ARVCF: variants seen among roughly 807,000 people sequenced by gnomAD.
ARVCF encodes the protein splicing regulator ARVCF.
In ARVCF, 66 loss-of-function variants were observed where a neutral mutation model predicts 90.9. The ratio of observed to expected loss-of-function variants is 0.73; its 90% CI spans 0.60 to 0.89. ARVCF has a LOEUF of 0.89. ARVCF is among the 40% of genes least tolerant of loss of function. ARVCF has a pLI of 0.00. For synonymous variants in ARVCF, 653 were observed against 603.4 expected (o/e 1.08, Z -1.21); for missense variants, 1,469 against 1,382.3 (o/e 1.06, Z -1.00).
chr22:19,969,801 AC>A (rs1031651001), downstream of ARVCF: 293 of 978,334 alleles, frequency 3.0e-4, no homozygotes, highest in Non-Finnish European at 3.3e-4. Context: ...ACCTGGGACC[AC>A]CTCCACCCAG....
At position 19,994,183 on chromosome 22, in the gene ARVCF, T is replaced by C. The variant is rs1245514931; in HGVS notation, c.-18-3371A>G. Among the ~76,000 whole-genome samples the C allele has an allele frequency of 3.3e-5, 5 of 150,818 alleles. No homozygotes were observed. The East Asian group carries it at 7.9e-4, about 24-fold the overall frequency. ...ATGGACAGAGGGACGGACAGATTGA[T>C]GGACAGGTCGGAGGATCGTGGGAGA... On this transcript the variant is annotated intron_variant, in intron 2 of 19. Coordinates refer to ENST00000263207, the MANE Select transcript of ARVCF (RefSeq NM_001670.3).
At chr22:19,974,875 G>A (rs1266252607) in intron 11 of ARVCF, among the ~76,000 whole-genome samples, 2 of 152,182 alleles carry the variant, frequency 1.3e-5, no homozygotes, top group East Asian at 3.8e-4. Flanking sequence ...CCGTCCTGCT[G>A]CTCTGCCCAG....
chr22:19,968,907 G>C, downstream of ARVCF: 1 of 630,796 alleles, frequency 1.6e-6, no homozygotes, highest in South Asian at 1.8e-5. Flanking sequence ...ACACTGGATT[G>C]TTCTTTTTTA....
At chr22:20,005,860 G>A (rs958050386) in intron 2 of ARVCF, among the ~76,000 whole-genome samples, 1 of 151,690 alleles carries the variant, frequency 6.6e-6, no homozygotes. Context: ...CATATTCACA[G>A]CAGCATTATT....
downstream of ARVCF, chr22:19,968,523 GGTCT>G (rs1569138181): frequency 1.1e-5 from 17 of 1,612,004 alleles, no homozygotes; most frequent in Non-Finnish European, 1.3e-5. Flanking sequence ...CCCACCCCCC[GGTCT>G]GTTTGCAGGA....
At chr22:19,980,294 G>T (rs757792873) in intron 5 of ARVCF, 52 bp from the exon 6 acceptor site, 60 of 1,485,488 alleles carry the variant, frequency 4.0e-5, no homozygotes, top group Non-Finnish European at 5.3e-5. Context: ...CGCCAGCCCT[G>T]CCTCTGAGCT....
chr22:20,003,266 G>T (rs9617857), intron 2 of ARVCF, among the ~76,000 whole-genome samples: 37,213 of 152,052 alleles, frequency 0.24, 5,741 homozygotes, highest in African/African-American at 0.43. Flanking sequence ...TTTCACTGGT[G>T]TATTCTACCA....
chr22:19,975,544 G>A (rs892284584), intron 11 of ARVCF, 142 bp downstream of exon 11: 5 of 863,574 alleles, frequency 5.8e-6, no homozygotes, highest in African/African-American at 5.1e-5. Flanking sequence ...CACCCTCCAG[G>A]AAATCCTGCA....
chr22:19,979,054 C>T lies in ARVCF; in HGVS notation c.1423G>A (p.Glu475Lys), dbSNP rs774439071. 6.2e-7 allele frequency: 1 copy of T among 1,613,202 alleles called. No homozygotes were observed. The highest frequency in any genetic ancestry group is 8.5e-7 in the Non-Finnish European group (1 of 1,179,806). Residue 475 changes from glutamate (E) to lysine (K), a missense_variant, in exon 7 of 20, where the codon GAG becomes AAG. Transcript: ENST00000263207. ...TCAATGATGACCATCTTCAGGGGCT[C>T]ATAGGATGACAGGTTCCACAGGGTG... ...TGTLWNLSSYEPLKMVIIDHG... is the reference protein window; with the variant it reads ...TGTLWNLSSYKPLKMVIIDHG...
chr22:19,986,405 A>G (rs1391960013), intron 3 of ARVCF, among the ~76,000 whole-genome samples: 1 of 152,168 alleles, frequency 6.6e-6, no homozygotes, highest in African/African-American at 2.4e-5. Context: ...TGAGCAGAGG[A>G]CAAACTGCCT....
At chr22:20,000,336 G>A (rs151020032) in intron 2 of ARVCF, among the ~76,000 whole-genome samples, 27 of 152,344 alleles carry the variant, frequency 1.8e-4, no homozygotes, top group African/African-American at 6.5e-4. Context: ...TCCTCTGCTG[G>A]GAGCCAGCTC....
chr22:19,973,553 A>C, intron 13 of ARVCF, 90 bp downstream of exon 13: 1 of 1,521,612 alleles, frequency 6.6e-7, no homozygotes, highest in Non-Finnish European at 8.8e-7. Context: ...CTGGACTCCC[A>C]AACCACTCAT....
chr22:20,009,412 A>T (rs1015193727), intron 2 of ARVCF, among the ~76,000 whole-genome samples: 2 of 152,210 alleles, frequency 1.3e-5, no homozygotes, highest in Non-Finnish European at 2.9e-5. Flanking sequence ...TCACTCAGGC[A>T]TCCGGAGGCC....
At position 19,970,687 on chromosome 22, in the gene ARVCF, C is replaced by T. The variant is rs1240321050; in HGVS notation, c.*69G>A. On this transcript the variant is annotated 3_prime_UTR_variant, in exon 20 of 20. Transcript: ENST00000263207. ...TCCAAGCTCCACGGCACGATCTGCTCAGGGTGGCCCTTCTTCCACGATCCA... is the reference window on the plus strand; with the variant it reads ...TCCAAGCTCCACGGCACGATCTGCTTAGGGTGGCCCTTCTTCCACGATCCA... The T allele has an allele frequency of 7.8e-7, 1 of 1,289,178 alleles. No individual in the cohort carries two copies. The highest frequency in any genetic ancestry group is 2.3e-5 in the Admixed American group (1 of 43,518). The allele number at this position is 1,289,178 out of a possible 1,614,324, so 79.9% of individuals were successfully genotyped here. A position where few individuals can be genotyped will look rare whatever the true frequency, so the allele number is the denominator to read the frequency against.
rs150166166 is a variant in ARVCF at position 19,974,124 on chromosome 22, G to A, written c.2076C>T (p.Ala692=). The A allele has an allele frequency of 1.1e-5, 18 of 1,610,522 alleles. No homozygotes were observed. Among genetic ancestry groups the A allele is most frequent in the African/African-American group, 1.1e-4 (8 of 74,878 alleles). The change falls in exon 12 of 20, where the codon GCC becomes GCT. Residue 692 remains alanine, a synonymous_variant. Coordinates refer to ENST00000263207, the MANE Select transcript of ARVCF (RefSeq NM_001670.3). ...CCTGGTCCCTCACCATCCAGTTGCCGGCACTGAGGTTCTGCAGAGCGCCGG... is the reference window on the plus strand; with the variant it reads ...CCTGGTCCCTCACCATCCAGTTGCCAGCACTGAGGTTCTGCAGAGCGCCGG... ...AAAGALQNLS[A]GNWMWATYIR... is the part of the protein sequence containing the mutation.
chr22:19,973,609 G>T (rs750242930), intron 13 of ARVCF, 34 bp downstream of exon 13: 5 of 1,582,394 alleles, frequency 3.2e-6, no homozygotes, highest in Non-Finnish European at 4.3e-6. Flanking sequence ...GGCACAGTTC[G>T]GTGCCCAGGC....
chr22:19,973,349 C>G (rs773519155), intron 13 of ARVCF, 32 bp from the exon 14 acceptor site: 98 of 1,552,476 alleles, frequency 6.3e-5, no homozygotes, highest in Middle Eastern at 3.4e-4. Flanking sequence ...CAGAACACAC[C>G]TCTGCCCCAC....
downstream of ARVCF, chr22:19,967,485 G>C (rs188300184): frequency 8.0e-5 from 35 of 440,016 alleles, 1 homozygote; most frequent in East Asian, 2.5e-3. Flanking sequence ...TGACCTCACT[G>C]ACCTTGCAGC....
In ARVCF at chr22:19,971,953, T is replaced by C; in HGVS notation, c.2714A>G (p.Asp905Gly). 1 of 1,611,492 alleles carries C rather than the reference T, an allele frequency of 6.2e-7. No individual in the cohort carries two copies. ...GCCCCGTGGCCTCCGCTCCCTCCGG[T>C]CCACCGTGGAGTATCCGTCTGTAGA... ...ALGPDGYSTV[D>G]RRERRPRGAS... is the part of the protein sequence containing the mutation. Residue 905 changes from aspartate to glycine, a missense_variant, in exon 18 of 20, where the codon GAC becomes GGC. By Grantham distance (94) the Asp-to-Gly change is moderately conservative. Transcript: ENST00000263207.
Sources: gnomAD v4.1 joint callset for allele counts (sites outside exome capture counted in the v4.1 genomes callset) on GRCh38, gnomAD v4.1.1 for gene constraint, MANE v1.5 for transcripts, NCBI Gene and HGNC (gene_info 2026-07-23, HGNC 2026-07-21) for gene names.